The following XPO1 variants were observed in gnomAD, a reference collection of about 807,000 sequenced individuals.
XPO1 encodes the protein exportin-1.
A neutral mutation model predicts 133.3 loss-of-function variants in XPO1; 5 were observed. The observed-to-expected ratio is 0.04, with a 90% confidence interval of 0.02 to 0.08. XPO1 has a LOEUF of 0.08. XPO1 is among the 10% of genes least tolerant of loss of function. The pLI is 1.00. For synonymous variants in XPO1, 419 were observed against 408.2 expected, an observed-to-expected ratio of 1.03 and a Z score of -0.32; for missense variants, 506 against 1,267.5, an observed-to-expected ratio of 0.40 and a Z score of 9.12.
intron 3 of XPO1, chr2:61,525,226 A>G: frequency 3.1e-6 from 3 of 979,868 alleles, no homozygotes; most frequent in Non-Finnish European, 3.6e-6. Context: ...AAACAAAAAC[A>G]ATTGATGAAC....
intron 4 of XPO1, among the ~76,000 whole-genome samples, chr2:61,517,662 A>G (rs1485748432): frequency 1.3e-5 from 2 of 152,224 alleles, no homozygotes; most frequent in African/African-American, 4.8e-5. Flanking sequence ...TTGACATATT[A>G]AAATTTCCCA....
chr2:61,526,553 G>C, intron 2 of XPO1, 32 bp from the exon 3 acceptor site: 1 of 1,501,436 alleles, frequency 6.7e-7, no homozygotes, highest in Non-Finnish European at 8.9e-7. Flanking sequence ...CAAAACTTAA[G>C]CTAATGTATT....
At chr2:61,479,663 G>A (rs956848814) in intron 24 of XPO1, among the ~76,000 whole-genome samples, 1 of 151,986 alleles carries the variant, frequency 6.6e-6, no homozygotes, top group Non-Finnish European at 1.5e-5. Flanking sequence ...CCTCCAAGAT[G>A]CAAGCAATTC....
intron 7 of XPO1, among the ~76,000 whole-genome samples, chr2:61,499,189 TTC>T (rs1385914977): frequency 6.6e-6 from 1 of 152,226 alleles, no homozygotes; most frequent in Non-Finnish European, 1.5e-5. Flanking sequence ...AAATCTAGTT[TTC>T]TGTTTTGTTT....
intron 1 of XPO1, 106 bp downstream of exon 1, chr2:61,537,456 G>A (rs1167539084): frequency 3.4e-5 from 5 of 146,960 alleles, no homozygotes; most frequent in Admixed American, 2.7e-4. Context: ...CCGCCTCCCG[G>A]GCTCGCTTCC....
intron 2 of XPO1, among the ~76,000 whole-genome samples, chr2:61,527,441 T>C (rs951390840): frequency 3.0e-4 from 46 of 151,970 alleles, no homozygotes; most frequent in African/African-American, 1.1e-3. Context: ...CGAGCTATGA[T>C]GGTGCCACTA....
At chr2:61,494,826 A>ATATG (rs1697165989) in intron 11 of XPO1, 1 of 148,166 alleles carries the variant, frequency 6.7e-6, no homozygotes, top group Non-Finnish European at 1.5e-5. Flanking sequence ...TTATATATAT[A>ATATG]TATAAAGAGA....
chr2:61,507,221 G>C (rs551797003), intron 4 of XPO1, among the ~76,000 whole-genome samples: 36 of 142,306 alleles, frequency 2.5e-4, no homozygotes, highest in Admixed American at 5.0e-4. Flanking sequence ...TCCAGCTTGG[G>C]TGACAGCGGG....
intron 4 of XPO1, among the ~76,000 whole-genome samples, chr2:61,505,758 C>T (rs1697776609): frequency 6.6e-6 from 1 of 152,044 alleles, no homozygotes; most frequent in Admixed American, 6.5e-5. Flanking sequence ...GGGGTTTCAC[C>T]ATTTTGGCCA....
chr2:61,479,423 G>A (rs953574159), intron 24 of XPO1, among the ~76,000 whole-genome samples: 2 of 150,752 alleles, frequency 1.3e-5, no homozygotes, highest in African/African-American at 4.9e-5. Flanking sequence ...CTGCTCTCCA[G>A]CCTGGGTGAT....
chr2:61,489,552 T>C (rs535297589), intron 17 of XPO1, among the ~76,000 whole-genome samples: 19 of 151,636 alleles, frequency 1.3e-4, no homozygotes, highest in Non-Finnish European at 2.5e-4. Context: ...TGAAGTAATA[T>C]AGTTCTATTT....
intron 4 of XPO1, among the ~76,000 whole-genome samples, chr2:61,504,630 G>A (rs915257056): frequency 6.6e-6 from 1 of 152,128 alleles, no homozygotes; most frequent in African/African-American, 2.4e-5. Flanking sequence ...AGAACTGAGT[G>A]AAATTTTCGT....
intron 3 of XPO1, chr2:61,525,847 A>T (rs574817274): frequency 3.8e-5 from 40 of 1,044,012 alleles, no homozygotes; most frequent in Admixed American, 5.5e-5. Context: ...AGAATGCCAT[A>T]GTATTTATTA....
At chr2:61,532,097 C>T (rs1699179250) in intron 2 of XPO1, among the ~76,000 whole-genome samples, 1 of 151,964 alleles carries the variant, frequency 6.6e-6, no homozygotes, top group Admixed American at 6.6e-5. Flanking sequence ...TGTAATGGCA[C>T]TCAGGTTTAG....
At chr2:61,515,689 G>C (rs1698339370) in intron 4 of XPO1, among the ~76,000 whole-genome samples, 1 of 152,024 alleles carries the variant, frequency 6.6e-6, no homozygotes, top group Non-Finnish European at 1.5e-5. Context: ...TCACGTCAAA[G>C]GAGAGCACTA....
chr2:61,501,365 A>C (rs1229254565), intron 6 of XPO1, among the ~76,000 whole-genome samples: 1 of 152,188 alleles, frequency 6.6e-6, no homozygotes, highest in African/African-American at 2.4e-5. Flanking sequence ...TAGAAGGACG[A>C]GGAAATCAAA....
rs1361649268 is a variant in XPO1 at position 61,478,038 on chromosome 2, TTTTG to T, written c.*778_*781del. The T allele has an allele frequency of 4.3e-6, 1 of 232,536 alleles. No individual in the cohort carries two copies. The highest frequency in any genetic ancestry group is 2.2e-5 in the African/African-American group (1 of 45,272). The allele number at this position is 232,536 out of a possible 1,614,324, so 14.4% of individuals were successfully genotyped here. On this transcript the variant is annotated 3_prime_UTR_variant, in exon 25 of 25. Transcript: ENST00000401558. ...TAAGTCATCTCAAAAGCCAGAGTTG[TTTTG>T]TTTTTTAATGAGTTGTTAAAAAGAT...
intron 19 of XPO1, among the ~76,000 whole-genome samples, chr2:61,487,349 G>A (rs1002951498): frequency 2.6e-5 from 4 of 152,042 alleles, no homozygotes; most frequent in African/African-American, 9.7e-5. Flanking sequence ...CTTACTTTCT[G>A]CTTTCAAATT....
intron 24 of XPO1, among the ~76,000 whole-genome samples, chr2:61,479,494 A>G (rs1045495955): frequency 6.6e-6 from 1 of 152,158 alleles, no homozygotes; most frequent in Non-Finnish European, 1.5e-5. Flanking sequence ...CTTACAGTAA[A>G]TAGTCTTCAA....
Sources: gnomAD v4.1 joint callset for allele counts (sites outside exome capture counted in the v4.1 genomes callset) on GRCh38, gnomAD v4.1.1 for gene constraint, MANE v1.5 for transcripts, NCBI Gene and HGNC (gene_info 2026-07-23, HGNC 2026-07-21) for gene names.